CNTNAP2: variants seen among roughly 807,000 people sequenced by gnomAD.
The protein encoded by CNTNAP2 is contactin associated protein 2, also known as contactin-associated protein-like 2.
CNTNAP2 carries 98 observed loss-of-function variants against 155.2 expected under a neutral mutation model. The observed-to-expected ratio is 0.63, with a 90% CI of 0.54 to 0.75. CNTNAP2 has a LOEUF of 0.75. Among genes scored for constraint, CNTNAP2 ranks in the 30% least tolerant of loss-of-function variants. CNTNAP2 has a pLI of 0.00. For synonymous variants in CNTNAP2, 651 were observed against 631.2 expected (o/e 1.03, Z -0.47); for missense variants, 1,727 against 1,688.1 (o/e 1.02, Z -0.40).
intron 8 of CNTNAP2, among the ~76,000 whole-genome samples, chr7:147,295,696 A>T (rs184481744): frequency 6.6e-6 from 1 of 152,258 alleles, no homozygotes; most frequent in Non-Finnish European, 1.5e-5. Context: ...GAAGCAGCAC[A>T]TTTTTCTATA....
At chr7:146,209,689 A>T (rs1028530547) in intron 1 of CNTNAP2, among the ~76,000 whole-genome samples, 1 of 152,222 alleles carries the variant, frequency 6.6e-6, no homozygotes, top group Non-Finnish European at 1.5e-5. Flanking sequence ...AGTACTTAAA[A>T]TAAAGGAAAT....
rs1798123496 is a variant in CNTNAP2 at position 146,156,203 on chromosome 7, G to A, written c.97+39230G>A. On this transcript the variant is annotated intron_variant, in intron 1 of 23. Transcript: ENST00000361727. ...GAGGGTTTCAGTCTCTCAAACAAAT[G>A]TGAGTTTGTTACTATGTTATGTACC... Among the ~76,000 whole-genome samples, 3 of 152,138 alleles carry A rather than the reference G, an allele frequency of 2.0e-5. 1 individual carries two copies. The highest frequency in any genetic ancestry group is 4.8e-5 in the African/African-American group (2 of 41,432).
chr7:147,710,839 T>C (rs1203676398), intron 13 of CNTNAP2, among the ~76,000 whole-genome samples: 1 of 152,166 alleles, frequency 6.6e-6, no homozygotes, highest in Non-Finnish European at 1.5e-5. Context: ...GACATGCTTC[T>C]TTCTCAGGGG....
chr7:146,283,904 T>C (rs1800289110), intron 1 of CNTNAP2, among the ~76,000 whole-genome samples: 1 of 152,102 alleles, frequency 6.6e-6, no homozygotes, highest in Admixed American at 6.6e-5. Flanking sequence ...TTAAAAAAAG[T>C]CTCAGAACCA....
intron 1 of CNTNAP2, among the ~76,000 whole-genome samples, chr7:146,215,844 G>A (rs763059083): frequency 1.4e-4 from 22 of 152,082 alleles, no homozygotes; most frequent in Admixed American, 1.0e-3. Flanking sequence ...GGCTGATATC[G>A]CATTTGCTTT....
chr7:146,829,757 TAA>T (rs1350282161), intron 2 of CNTNAP2, among the ~76,000 whole-genome samples: 1 of 152,084 alleles, frequency 6.6e-6, no homozygotes, highest in Non-Finnish European at 1.5e-5. Flanking sequence ...CTTTCTGTTA[TAA>T]AGCTTAACCG....
At chr7:146,200,614 G>A (rs1798845721) in intron 1 of CNTNAP2, among the ~76,000 whole-genome samples, 1 of 151,946 alleles carries the variant, frequency 6.6e-6, no homozygotes, top group Non-Finnish European at 1.5e-5. Flanking sequence ...TTACCATTGT[G>A]TTACAATTCT....
intron 1 of CNTNAP2, among the ~76,000 whole-genome samples, chr7:146,615,517 T>C (rs1799209518): frequency 2.6e-5 from 4 of 152,180 alleles, no homozygotes; most frequent in African/African-American, 9.7e-5. Context: ...CATACAAAAA[T>C]GTAGCAATGA....
intron 8 of CNTNAP2, among the ~76,000 whole-genome samples, chr7:147,175,567 AT>A (rs1298975590): frequency 1.3e-5 from 2 of 152,148 alleles, no homozygotes; most frequent in Non-Finnish European, 2.9e-5. Context: ...GAGGTGAAAA[AT>A]AGTGTTGAAG....
intron 4 of CNTNAP2, among the ~76,000 whole-genome samples, chr7:147,088,211 A>G (rs1476046113): frequency 2.0e-5 from 3 of 152,200 alleles, no homozygotes; most frequent in Non-Finnish European, 4.4e-5. Flanking sequence ...AACTCTTTCA[A>G]ATTTTGGAGA....
At chr7:146,840,010 A>G (rs1803690110) in intron 3 of CNTNAP2, 106 bp downstream of exon 3, 2 of 1,297,730 alleles carry the variant, frequency 1.5e-6, no homozygotes, top group African/African-American at 2.9e-5. Context: ...ATGTATTCAA[A>G]TCATTGGGAA....
rs191589829 is a variant in CNTNAP2 at position 148,040,728 on chromosome 7, T to A, written c.2383+62739T>A. Among the ~76,000 whole-genome samples, 119 of 152,280 alleles carry A rather than the reference T, an allele frequency of 7.8e-4. 1 individual carries two copies. The highest frequency in any genetic ancestry group is 2.6e-3 in the Admixed American group (40 of 15,292). Reference sequence around the variant, plus strand: ...TTGCCTTCGTGCAAGGAACCATGACTATCAGCACAAACAAGAAACTATTCC... The same window carrying A: ...TTGCCTTCGTGCAAGGAACCATGACAATCAGCACAAACAAGAAACTATTCC... On this transcript the variant is annotated intron_variant, in intron 15 of 23. Transcript: ENST00000361727.
intron 1 of CNTNAP2, among the ~76,000 whole-genome samples, chr7:146,672,582 A>G (rs1332978620): frequency 6.6e-6 from 1 of 152,180 alleles, no homozygotes; most frequent in Non-Finnish European, 1.5e-5. Context: ...TTGGAATGGG[A>G]ACACGGGTTA....
chr7:146,781,238 A>AAC (rs1554480117), intron 2 of CNTNAP2, among the ~76,000 whole-genome samples: 2 of 151,362 alleles, frequency 1.3e-5, no homozygotes, highest in African/African-American at 4.9e-5. Flanking sequence ...AAAAAAAAAA[A>AAC]AACAAAAAAA....
chr7:146,313,473 C>T (rs892726118), intron 1 of CNTNAP2, among the ~76,000 whole-genome samples: 3 of 152,052 alleles, frequency 2.0e-5, no homozygotes, highest in Admixed American at 1.3e-4. Flanking sequence ...GTATAGTTTG[C>T]GAATATTTTC....
intron 3 of CNTNAP2, among the ~76,000 whole-genome samples, chr7:146,926,251 T>TTG (rs149925170): frequency 6.8e-4 from 103 of 150,588 alleles, no homozygotes; most frequent in East Asian, 4.1e-3. Flanking sequence ...CTGTGTACAT[T>TTG]TGTGTGTGTG....
intron 1 of CNTNAP2, among the ~76,000 whole-genome samples, chr7:146,577,796 C>T (rs1798547647): frequency 1.3e-5 from 2 of 151,696 alleles, no homozygotes; most frequent in Non-Finnish European, 2.9e-5. Context: ...CAAGCATGTT[C>T]ATTTTTGATG....
At chr7:146,497,921 ATT>A (rs1554441245) in intron 1 of CNTNAP2, among the ~76,000 whole-genome samples, 2 of 150,176 alleles carry the variant, frequency 1.3e-5, no homozygotes, top group African/African-American at 4.9e-5. Context: ...ATAAACATAT[ATT>A]CTAACATATA....
intron 10 of CNTNAP2, among the ~76,000 whole-genome samples, chr7:147,446,633 C>T (rs1797745410): frequency 1.3e-5 from 2 of 152,328 alleles, no homozygotes; most frequent in East Asian, 3.9e-4. Flanking sequence ...TTCCCAAGAA[C>T]ACCACCTCAA....
Sources: allele counts gnomAD v4.1 joint callset (sites outside exome capture counted in the v4.1 genomes callset), GRCh38; gene constraint gnomAD v4.1.1; transcripts MANE v1.5; gene names NCBI Gene and HGNC (gene_info 2026-07-23, HGNC 2026-07-21).